CDC42BPA: variants seen among roughly 807,000 people sequenced by gnomAD.
The protein encoded by CDC42BPA is serine/threonine-protein kinase MRCK alpha.
A neutral mutation model predicts 223.5 loss-of-function variants in CDC42BPA; 80 were observed. The observed-to-expected ratio is 0.36, with a 90% CI of 0.30 to 0.43. The LOEUF (loss-of-function observed/expected upper bound fraction) is 0.43, where lower values mean the gene tolerates loss of function less well. Ranked by LOEUF, CDC42BPA falls within the 20% of genes least tolerant of loss-of-function variation. CDC42BPA has a pLI of 1.00. For synonymous variants in CDC42BPA, 694 were observed against 718.6 expected (o/e 0.97, Z 0.55); for missense variants, 1,743 against 2,099.9 (o/e 0.83, Z 3.32).
At chr1:227,122,257 T>C (rs1688780551) in intron 11 of CDC42BPA, among the ~76,000 whole-genome samples, 1 of 152,240 alleles carries the variant, frequency 6.6e-6, no homozygotes, top group Admixed American at 6.5e-5. Flanking sequence ...AGAGTAGCAA[T>C]ATAGTACATT....
In CDC42BPA at chr1:227,031,471, A is replaced by G. The variant is rs778454682; in HGVS notation, c.3602T>C (p.Ile1201Thr). 2 of 1,614,132 alleles carry G rather than the reference A, an allele frequency of 1.2e-6. No individual in the cohort carries two copies. The highest frequency in any genetic ancestry group is 2.2e-5 in the South Asian group (2 of 91,078). ...QLSASNNKCS[I>T]LMLADTENEK... is the part of the protein sequence containing the mutation. ...ATTCTCAGTGTCTGCTAGCATCAGG[A>G]TTGAACATTTGTTATTAGATGCTGA... The change falls in exon 28 of 37, where the codon ATC becomes ACC. Residue 1201 changes from isoleucine to threonine, a missense_variant. Physicochemically the swap from Ile to Thr is moderately conservative, Grantham distance 89. Around this residue, in one of 6 missense-constraint regions of CDC42BPA, gnomAD observed 678 missense variants for 777.5 expected, o/e 0.87. Transcript: ENST00000366766.
chr1:227,042,120 A>G (rs2148777737), intron 23 of CDC42BPA, among the ~76,000 whole-genome samples: 1 of 152,284 alleles, frequency 6.6e-6, no homozygotes, highest in Non-Finnish European at 1.5e-5. Flanking sequence ...GGTTAGTCCT[A>G]GAGGCTTTGA....
chr1:227,195,794 G>A (rs1670578039), intron 4 of CDC42BPA, among the ~76,000 whole-genome samples: 1 of 152,064 alleles, frequency 6.6e-6, no homozygotes, highest in Non-Finnish European at 1.5e-5. Flanking sequence ...ATTACCCAAT[G>A]TAGCTAAGGT....
chr1:227,268,276 G>A (rs1685339991), intron 1 of CDC42BPA, among the ~76,000 whole-genome samples: 2 of 152,150 alleles, frequency 1.3e-5, no homozygotes, highest in South Asian at 4.1e-4. Flanking sequence ...GGGCTGAGTT[G>A]AATAGCTGGC....
intron 32 of CDC42BPA, among the ~76,000 whole-genome samples, chr1:227,020,225 T>C (rs559626244): frequency 6.6e-6 from 1 of 152,160 alleles, no homozygotes; most frequent in Non-Finnish European, 1.5e-5. Flanking sequence ...GGGCCTAGGA[T>C]TTTTTCAAAT....
chr1:227,118,423 T>C (rs1418611509), intron 12 of CDC42BPA, among the ~76,000 whole-genome samples: 1 of 152,174 alleles, frequency 6.6e-6, no homozygotes, highest in East Asian at 1.9e-4. Flanking sequence ...GCAAGGAATG[T>C]GGAGAAAAAT....
chr1:227,210,560 ACT>A (rs1230748887), intron 3 of CDC42BPA, among the ~76,000 whole-genome samples: 1 of 152,158 alleles, frequency 6.6e-6, no homozygotes, highest in Non-Finnish European at 1.5e-5. Context: ...TTTAAATTAT[ACT>A]GTTTTATTTT....
At position 227,294,635 on chromosome 1, in the gene CDC42BPA, C is replaced by T. The variant is rs1200159419; in HGVS notation, c.178+22370G>A. The stretch of plus-strand genomic sequence containing the variant: ...CAGCACTTTGGGAGGCCGAGGCGGG[C>T]GGATCACGAGGTCAGGAGATCGAGA... On this transcript the variant is annotated intron_variant, in intron 1 of 36. Transcript: ENST00000366766. Among the ~76,000 whole-genome samples the T allele has an allele frequency of 1.9e-4, 14 of 73,010 alleles. 2 individuals carry two copies. Among genetic ancestry groups the T allele is most frequent in the Admixed American group, 1.8e-3 (12 of 6,770 alleles). The allele number at this position is 73,010 out of a possible 152,430, so 47.9% of individuals were successfully genotyped here. A position where few individuals can be genotyped will look rare whatever the true frequency, so the allele number is the denominator to read the frequency against.
At chr1:227,058,397 C>T (rs1409891101) in intron 21 of CDC42BPA, among the ~76,000 whole-genome samples, 1 of 152,168 alleles carries the variant, frequency 6.6e-6, no homozygotes. Context: ...CCACAGAATT[C>T]CCTCATCTAG....
At position 227,028,729 on chromosome 1, in the gene CDC42BPA, T is replaced by A. The variant is rs1218531900; in HGVS notation, c.4360A>T (p.Ile1454Leu). The change falls in exon 30 of 37, where the codon ATA becomes TTA. Residue 1454 changes from isoleucine to leucine, a missense_variant. This residue lies in a region of CDC42BPA where 678 missense variants were observed against 777.5 expected (regional missense o/e 0.87). Transcript: ENST00000366766. The part of the protein sequence containing the change: ...EYLLCFNSIG[I>L]YTDCQGRRSR... ...CTTCGGCCCTGGCAGTCAGTGTATA[T>A]CCCAATGCTGTTAAAACACAGCAGA... 1 of 1,613,802 alleles carries A rather than the reference T, an allele frequency of 6.2e-7. No homozygotes were observed. Among genetic ancestry groups the A allele is most frequent in the East Asian group, 2.2e-5 (1 of 44,876 alleles).
At chr1:227,305,808 A>T (rs1290057683) in intron 1 of CDC42BPA, among the ~76,000 whole-genome samples, 1 of 152,142 alleles carries the variant, frequency 6.6e-6, no homozygotes, top group Admixed American at 6.5e-5. Context: ...TCTACTAAAA[A>T]TACAAAAATT....
At chr1:227,282,647 CACA>C (rs1385580588) in intron 1 of CDC42BPA, among the ~76,000 whole-genome samples, 1 of 152,120 alleles carries the variant, frequency 6.6e-6, no homozygotes, top group Non-Finnish European at 1.5e-5. Context: ...GCAGGTAAAA[CACA>C]AACAGCAAAG....
In CDC42BPA at chr1:227,299,255, A is replaced by C. The variant is rs1691228433; in HGVS notation, c.178+17750T>G. On this transcript the variant is annotated intron_variant, in intron 1 of 36. Transcript: ENST00000366766. ...AAACAATTAGGGTTTTCAAAAACTGAATTTAATTGTCTGTTAAAAAACTAA... is the reference window on the plus strand; with the variant it reads ...AAACAATTAGGGTTTTCAAAAACTGCATTTAATTGTCTGTTAAAAAACTAA... Among the ~76,000 whole-genome samples, 4 of 152,320 alleles carry C rather than the reference A, an allele frequency of 2.6e-5. No homozygotes were observed. In the South Asian group the frequency reaches 8.3e-4, roughly 32 times the overall value.
chr1:227,047,237 C>T (rs1293074547), intron 23 of CDC42BPA, among the ~76,000 whole-genome samples: 1 of 152,010 alleles, frequency 6.6e-6, no homozygotes, highest in East Asian at 1.9e-4. Context: ...CTCATGTTAC[C>T]AACATACTTC....
At chr1:227,128,570 T>C (rs1193327440) in intron 11 of CDC42BPA, among the ~76,000 whole-genome samples, 1 of 152,214 alleles carries the variant, frequency 6.6e-6, no homozygotes, top group African/African-American at 2.4e-5. Flanking sequence ...GTGCTCAATA[T>C]ATTTATTGAA....
intron 1 of CDC42BPA, among the ~76,000 whole-genome samples, chr1:227,269,157 G>A (rs1685565378): frequency 6.6e-6 from 1 of 152,192 alleles, no homozygotes; most frequent in Non-Finnish European, 1.5e-5. Flanking sequence ...AAAACAGTAT[G>A]TAAACAAATA....
Position 227,318,127 on chromosome 1 carries a change from G to C in CDC42BPA, c.-945C>G. 1 of 189,520 alleles carries C rather than the reference G, an allele frequency of 5.3e-6. No individual in the cohort carries two copies. Among genetic ancestry groups the C allele is most frequent in the Non-Finnish European group, 1.1e-5 (1 of 93,848 alleles). 11.7% of individuals were successfully genotyped at this position (189,520 alleles called of 1,614,324 possible). ...TCCCCGACACCCGCACCGGGCCGCC[G>C]CGCCGGAGGCTCCCGACGCCCCAGG... is the stretch of plus-strand genomic sequence containing the variant. On this transcript the variant is annotated 5_prime_UTR_variant, in exon 1 of 37. Transcript: ENST00000366766.
At chr1:227,126,537 A>AAG (rs1491053878) in intron 11 of CDC42BPA, among the ~76,000 whole-genome samples, 2 of 140,642 alleles carry the variant, frequency 1.4e-5, no homozygotes, top group African/African-American at 2.5e-5. Context: ...AGGAAAAAGA[A>AAG]GAAAAAAAAG....
chr1:227,270,525 T>C (rs1685782571), intron 1 of CDC42BPA, among the ~76,000 whole-genome samples: 1 of 152,234 alleles, frequency 6.6e-6, no homozygotes, highest in African/African-American at 2.4e-5. Context: ...ACTTGTAAAA[T>C]GGTGATAATA....
Sources: gnomAD v4.1 joint callset for allele counts (sites outside exome capture counted in the v4.1 genomes callset) on GRCh38, gnomAD v4.1.1 for gene constraint, gnomAD v4.1.1 regional missense constraint, MANE v1.5 for transcripts, NCBI Gene and HGNC (gene_info 2026-07-23, HGNC 2026-07-21) for gene names.